The following CNTN4 variants were observed in gnomAD, a reference collection of about 807,000 sequenced individuals.
The protein encoded by CNTN4 is contactin-4.
A neutral mutation model predicts 122.5 loss-of-function variants in CNTN4; 77 were observed. The observed-to-expected ratio is 0.63, with a 90% CI of 0.52 to 0.76. CNTN4 has a LOEUF of 0.76. CNTN4 is among the 30% of genes least tolerant of loss of function. CNTN4 has a pLI of 0.00. For missense variants in CNTN4, 1,256 were observed against 1,259.1 expected, an observed-to-expected ratio of 1.00 and a Z score of 0.04; for synonymous variants, 512 against 447.0, an observed-to-expected ratio of 1.15 and a Z score of -1.83.
At chr3:2,264,144 C>A (rs765953348) in intron 2 of CNTN4, among the ~76,000 whole-genome samples, 28 of 152,140 alleles carry the variant, frequency 1.8e-4, no homozygotes, top group Non-Finnish European at 3.8e-4. Flanking sequence ...AGTGACATTG[C>A]TGGATCATAT....
intron 3 of CNTN4, among the ~76,000 whole-genome samples, chr3:2,452,202 G>A (rs1473077181): frequency 1.3e-5 from 2 of 152,144 alleles, no homozygotes; most frequent in African/African-American, 4.8e-5. Context: ...ATTTGATCCA[G>A]AAAAGTCATT....
chr3:2,988,786 GA>G (rs1694810939), intron 14 of CNTN4: 2 of 320,726 alleles, frequency 6.2e-6, no homozygotes. Flanking sequence ...CTATAGATTT[GA>G]AATTCATGTC....
chr3:2,414,326 T>C (rs1288930107), intron 3 of CNTN4, among the ~76,000 whole-genome samples: 1 of 152,210 alleles, frequency 6.6e-6, no homozygotes, highest in Non-Finnish European at 1.5e-5. Context: ...TTGCGTGCGC[T>C]TAGTAGATCC....
At chr3:2,778,059 A>G (rs1461176280) in intron 6 of CNTN4, among the ~76,000 whole-genome samples, 1 of 149,910 alleles carries the variant, frequency 6.7e-6, no homozygotes, top group Non-Finnish European at 1.5e-5. Flanking sequence ...CTAAAAATAC[A>G]AAAAATTAGC....
chr3:2,165,400 AT>A (rs2149201506), intron 2 of CNTN4, among the ~76,000 whole-genome samples: 1 of 152,242 alleles, frequency 6.6e-6, no homozygotes, highest in South Asian at 2.1e-4. Context: ...TAATTGAAAA[AT>A]AAAAATTGTT....
At chr3:2,572,283 A>T (rs953365114) in intron 4 of CNTN4, among the ~76,000 whole-genome samples, 5 of 152,030 alleles carry the variant, frequency 3.3e-5, no homozygotes, top group Non-Finnish European at 7.4e-5. Flanking sequence ...CTACTCGGGG[A>T]GCTGAGGCAG....
chr3:2,722,435 T>G (rs2087920796), intron 4 of CNTN4, among the ~76,000 whole-genome samples: 1 of 152,106 alleles, frequency 6.6e-6, no homozygotes, highest in Admixed American at 6.5e-5. Flanking sequence ...AGCAGATGCT[T>G]TTGCAATAAA....
intron 6 of CNTN4, among the ~76,000 whole-genome samples, chr3:2,766,466 C>T (rs747391940): frequency 7.2e-5 from 11 of 152,086 alleles, no homozygotes; most frequent in South Asian, 2.1e-4. Context: ...AGATTGGAGA[C>T]GATTATTCTA....
intron 14 of CNTN4, among the ~76,000 whole-genome samples, chr3:3,014,047 T>TACACACACACAC (rs10546128): frequency 1.1e-4 from 16 of 146,518 alleles, no homozygotes; most frequent in East Asian, 4.1e-4. Flanking sequence ...CATTTAAATG[T>TACACACACACAC]ACACACACAC....
chr3:2,301,437 A>G (rs1166637799), intron 2 of CNTN4, among the ~76,000 whole-genome samples: 1 of 152,216 alleles, frequency 6.6e-6, no homozygotes, highest in African/African-American at 2.4e-5. Flanking sequence ...ACGCTTTACT[A>G]CTAGTTAAAA....
chr3:2,874,609 C>T (rs1252197459), intron 8 of CNTN4, among the ~76,000 whole-genome samples: 1 of 152,142 alleles, frequency 6.6e-6, no homozygotes, highest in Non-Finnish European at 1.5e-5. Context: ...TGGGGCCATA[C>T]TCAGGGGAGA....
At chr3:2,788,465 A>G (rs2149944255) in intron 6 of CNTN4, among the ~76,000 whole-genome samples, 1 of 152,362 alleles carries the variant, frequency 6.6e-6, no homozygotes, top group South Asian at 2.1e-4. Flanking sequence ...CTGCCCATTC[A>G]CAACATTCTT....
intron 2 of CNTN4, among the ~76,000 whole-genome samples, chr3:2,109,182 T>C (rs2032730107): frequency 1.3e-5 from 2 of 152,154 alleles, no homozygotes; most frequent in African/African-American, 4.8e-5. Flanking sequence ...AAAGAGAAAA[T>C]ATTTTCCATG....
chr3:2,440,568 T>C (rs1221687284), intron 3 of CNTN4, among the ~76,000 whole-genome samples: 1 of 152,092 alleles, frequency 6.6e-6, no homozygotes, highest in Non-Finnish European at 1.5e-5. Flanking sequence ...TGTGAGTGTA[T>C]TTGAGAATAG....
chr3:2,703,111 A>G (rs984969790), intron 4 of CNTN4, among the ~76,000 whole-genome samples: 3 of 152,190 alleles, frequency 2.0e-5, no homozygotes, highest in African/African-American at 7.2e-5. Flanking sequence ...TCCTAATTCT[A>G]CAGAGGACGA....
intron 3 of CNTN4, among the ~76,000 whole-genome samples, chr3:2,341,780 A>C (rs1325264272): frequency 6.6e-6 from 1 of 152,260 alleles, no homozygotes; most frequent in Non-Finnish European, 1.5e-5. Flanking sequence ...AGCACTTAAA[A>C]ATTTGGAGAT....
chr3:3,038,997 C>A lies in CNTN4; in HGVS notation c.2157C>A (p.Thr719=). 1.9e-6 allele frequency: 3 copies of A among 1,613,322 alleles called. No individual in the cohort carries two copies. Among genetic ancestry groups the A allele is most frequent in the South Asian group, 1.1e-5 (1 of 91,064 alleles). The change falls in exon 19 of 25, where the codon ACC becomes ACA. Residue 719 remains threonine (T), a synonymous_variant. Coordinates refer to ENST00000418658, the MANE Select transcript of CNTN4 (RefSeq NM_175607.3). ...GCAGCAAATCTGAACTGGTTATAAC[C>A]TGGGAGGTAAATGAATCACAGAATA... ...GGGSKSELVI[T]WETVPEELQN...
chr3:2,192,432 G>A (rs1313433151), intron 2 of CNTN4, among the ~76,000 whole-genome samples: 1 of 151,590 alleles, frequency 6.6e-6, no homozygotes, highest in Non-Finnish European at 1.5e-5. Context: ...GTAACTGGTG[G>A]AATGGGATCT....
At chr3:2,749,334 T>TTG (rs1172271878) in intron 6 of CNTN4, among the ~76,000 whole-genome samples, 2 of 150,240 alleles carry the variant, frequency 1.3e-5, no homozygotes, top group Admixed American at 1.3e-4. Context: ...ATAAGTTTTT[T>TTG]TTTTTTTTTT....
Sources: allele counts gnomAD v4.1 joint callset (sites outside exome capture counted in the v4.1 genomes callset), GRCh38; gene constraint gnomAD v4.1.1; transcripts MANE v1.5; gene names NCBI Gene and HGNC (gene_info 2026-07-23, HGNC 2026-07-21).